NIM1K: variants seen among roughly 807,000 people sequenced by gnomAD.
The protein encoded by NIM1K is NIM1 serine/threonine protein kinase, also known as serine/threonine-protein kinase NIM1.
A neutral mutation model predicts 37.1 loss-of-function variants in NIM1K; 35 were observed. That is an observed-to-expected ratio of 0.94 (90% CI 0.72 to 1.25). The LOEUF (loss-of-function observed/expected upper bound fraction) is 1.25. Among genes scored for constraint, NIM1K ranks in the 50% most tolerant of loss-of-function variants. The pLI is 0.00. For missense variants in NIM1K, 564 were observed against 548.0 expected (o/e 1.03, Z -0.29); for synonymous variants, 234 against 206.6 (o/e 1.13, Z -1.14).
chr5:43,239,403 A>C lies in NIM1K; in HGVS notation c.-694-5679A>C, dbSNP rs564567877. Among the ~76,000 whole-genome samples the C allele has an allele frequency of 2.8e-3, 419 of 151,752 alleles. 10 individuals carry two copies. Among genetic ancestry groups the C allele is most frequent in the African/African-American group, 9.6e-3 (395 of 41,188 alleles). On this transcript the variant is annotated intron_variant, in intron 1 of 3. Coordinates refer to ENST00000326035, the MANE Select transcript of NIM1K (RefSeq NM_153361.4). ...CAGGTGCCCGCCACCATGCCGGGTT[A>C]ATTTTTTTGTATTTTTAGTAGAGTC...
intron 1 of NIM1K, among the ~76,000 whole-genome samples, chr5:43,224,985 C>T (rs1458422320): frequency 1.3e-5 from 2 of 152,042 alleles, no homozygotes; most frequent in African/African-American, 2.4e-5. Flanking sequence ...TAAGCCATTG[C>T]GCCTGGCCAC....
At chr5:43,225,453 C>T (rs969212571) in intron 1 of NIM1K, 1 of 151,988 alleles carries the variant, frequency 6.6e-6, no homozygotes, top group Non-Finnish European at 1.5e-5. Context: ...AAATTTTATG[C>T]AGTTTCATGA....
At chr5:43,218,940 T>C (rs1752345356) in intron 1 of NIM1K, among the ~76,000 whole-genome samples, 1 of 152,030 alleles carries the variant, frequency 6.6e-6, no homozygotes, top group Non-Finnish European at 1.5e-5. Context: ...TCCCCATGTG[T>C]CATGGGAGAG....
chr5:43,243,410 A>C (rs575284192), intron 1 of NIM1K, among the ~76,000 whole-genome samples: 1 of 151,294 alleles, frequency 6.6e-6, no homozygotes, highest in Non-Finnish European at 1.5e-5. Context: ...GGGTTTCAGA[A>C]TGTCATCTTA....
rs754820249 is a variant in NIM1K at position 43,255,747 on chromosome 5, C to CA, written c.292+9690dup. Among the ~76,000 whole-genome samples the CA allele has an allele frequency of 4.2e-4, 45 of 106,974 alleles. 1 individual carries two copies. Among genetic ancestry groups the CA allele is most frequent in the African/African-American group, 1.6e-3 (42 of 26,824 alleles). The allele number at this position is 106,974 out of a possible 152,430, so 70.2% of individuals were successfully genotyped here. ...CTGGTGACAGAGCCAGACTCTGTCTCAAAAAAAAAAGAAAGAAAGAAAGAA... is the reference window on the plus strand; with the variant it reads ...CTGGTGACAGAGCCAGACTCTGTCTCAAAAAAAAAAAGAAAGAAAGAAAGAA... On this transcript the variant is annotated intron_variant, in intron 2 of 3. Transcript: ENST00000326035.
rs200249195 is a variant in NIM1K at position 43,266,354 on chromosome 5, G to A, written c.293-10703G>A. 2.0e-4 allele frequency among the ~76,000 whole-genome samples: 31 copies of A among 152,306 alleles called. No homozygotes were observed. The East Asian group carries it at 4.1e-3, about 20-fold the overall frequency. ...CCTCCACCAGCCTCATTGCCACCTT[G>A]CAGTTCAATCTCAGACTGCTGTGCT... On this transcript the variant is annotated intron_variant, in intron 2 of 3. Coordinates refer to ENST00000326035, the MANE Select transcript of NIM1K (RefSeq NM_153361.4).
chr5:43,251,783 T>A (rs1485227213), intron 2 of NIM1K, among the ~76,000 whole-genome samples: 1 of 152,218 alleles, frequency 6.6e-6, no homozygotes, highest in Non-Finnish European at 1.5e-5. Context: ...CAGTCCCACA[T>A]CTACATAAAC....
chr5:43,221,694 C>T (rs1031355885), intron 1 of NIM1K, among the ~76,000 whole-genome samples: 1 of 152,142 alleles, frequency 6.6e-6, no homozygotes, highest in Admixed American at 6.5e-5. Flanking sequence ...GGTTATACAG[C>T]GTTTGCCCTG....
intron 1 of NIM1K, among the ~76,000 whole-genome samples, chr5:43,235,638 A>C (rs1752609329): frequency 1.3e-5 from 2 of 152,256 alleles, no homozygotes; most frequent in Non-Finnish European, 2.9e-5. Context: ...TCATAAGGAA[A>C]ATGTCAATGA....
At chr5:43,203,982 C>T (rs974293497) in intron 1 of NIM1K, among the ~76,000 whole-genome samples, 9 of 149,118 alleles carry the variant, frequency 6.0e-5, no homozygotes, top group South Asian at 4.3e-4. Flanking sequence ...GCTGAGATCT[C>T]GACACTGCAC....
In NIM1K at chr5:43,264,107, G is replaced by A. The variant is rs140469078; in HGVS notation, c.293-12950G>A. Among the ~76,000 whole-genome samples the A allele has an allele frequency of 9.2e-4, 140 of 152,276 alleles. 1 individual carries two copies. In the East Asian group the frequency reaches 0.025, roughly 27 times the overall value. On this transcript the variant is annotated intron_variant, in intron 2 of 3. Transcript: ENST00000326035. ...AAGAATGTATATTCTGTTGATTTGG[G>A]GTCGAGAGTTCTGTAGACGTCTGTT...
intron 2 of NIM1K, among the ~76,000 whole-genome samples, 197 bp downstream of exon 2, chr5:43,246,264 C>T (rs1236037605): frequency 1.3e-5 from 2 of 152,074 alleles, no homozygotes; most frequent in Non-Finnish European, 2.9e-5. Flanking sequence ...ATATTTTTTT[C>T]CATTTTGCAG....
intron 1 of NIM1K, among the ~76,000 whole-genome samples, chr5:43,199,768 G>T (rs1034343831): frequency 5.3e-5 from 8 of 152,192 alleles, no homozygotes; most frequent in Non-Finnish European, 7.3e-5. Context: ...TAGTGACGTT[G>T]AGTGAGCCAG....
In NIM1K at chr5:43,279,989, C is replaced by G. The variant is rs778393711; in HGVS notation, c.571C>G (p.Gln191Glu). Residue 191 changes from glutamine (Q) to glutamate (E), a missense_variant, in exon 4 of 4, where the codon CAA becomes GAA. Physicochemically the swap from Gln to Glu is conservative, Grantham distance 29 (BLOSUM62 2). Coordinates refer to ENST00000326035, the MANE Select transcript of NIM1K (RefSeq NM_153361.4). ...VSAVKHMHEN[Q>E]IIHRDLKAEN... ...ATGTCTTCTTCCACAGCATGAAAAC[C>G]AAATTATTCATAGAGATCTGAAAGC... 6.2e-7 allele frequency: 1 copy of G among 1,605,422 alleles called. No homozygotes were observed. The highest frequency in any genetic ancestry group is 1.7e-5 in the Admixed American group (1 of 59,604).
chr5:43,269,862 C>A (rs1413747782), intron 2 of NIM1K, among the ~76,000 whole-genome samples: 5 of 152,080 alleles, frequency 3.3e-5, no homozygotes, highest in African/African-American at 1.2e-4. Flanking sequence ...TCGTGATCCA[C>A]CCCCCTTGGC....
intron 1 of NIM1K, chr5:43,193,377 T>G (rs1202824428): frequency 6.8e-6 from 1 of 147,782 alleles, no homozygotes; most frequent in Non-Finnish European, 1.5e-5. Flanking sequence ...CTTTCTCCCT[T>G]TCTCCTCTCT....
chr5:43,249,884 G>A (rs955290539), intron 2 of NIM1K, among the ~76,000 whole-genome samples: 4 of 125,466 alleles, frequency 3.2e-5, no homozygotes, highest in Non-Finnish European at 4.7e-5. Context: ...ATGGAGTCTC[G>A]CTCTGTTGCC....
At chr5:43,256,018 A>G (rs1368326433) in intron 2 of NIM1K, among the ~76,000 whole-genome samples, 1 of 152,014 alleles carries the variant, frequency 6.6e-6, no homozygotes, top group Admixed American at 6.6e-5. Flanking sequence ...ATTGTGGAGG[A>G]CCAAGTTTGT....
chr5:43,197,280 C>T (rs1751932240), intron 1 of NIM1K, among the ~76,000 whole-genome samples: 1 of 151,852 alleles, frequency 6.6e-6, no homozygotes, highest in South Asian at 2.1e-4. Context: ...AGGCATGCAC[C>T]ATCATGTCCA....
Sources: gnomAD v4.1 joint callset for allele counts (sites outside exome capture counted in the v4.1 genomes callset) on GRCh38, gnomAD v4.1.1 for gene constraint, MANE v1.5 for transcripts, NCBI Gene and HGNC (gene_info 2026-07-23, HGNC 2026-07-21) for gene names.